Variants in DLG2 observed in about 807,000 individuals in gnomAD.
DLG2 encodes discs large MAGUK scaffold protein 2.
DLG2 carries 45 observed loss-of-function variants against 132.5 expected under a neutral mutation model. That is an observed-to-expected ratio of 0.34 (90% CI 0.27 to 0.44). The LOEUF is 0.44. Among genes scored for constraint, DLG2 ranks in the 20% least tolerant of loss-of-function variants. The probability of loss-of-function intolerance (pLI) is 1.00; values close to 1 mark genes in which losing one functional copy is unlikely to be tolerated. For missense variants in DLG2, 1,045 were observed against 1,196.9 expected (o/e 0.87, Z 1.87); for synonymous variants, 424 against 419.6 (o/e 1.01, Z -0.13).
At chr11:84,608,434 A>G (rs967055096) in intron 6 of DLG2, among the ~76,000 whole-genome samples, 5 of 152,206 alleles carry the variant, frequency 3.3e-5, no homozygotes, top group Non-Finnish European at 7.3e-5. Flanking sequence ...CTGCTGAAGC[A>G]GTGACTCATG....
At chr11:84,702,251 C>G (rs909193386) in intron 6 of DLG2, among the ~76,000 whole-genome samples, 1 of 151,568 alleles carries the variant, frequency 6.6e-6, no homozygotes, top group Non-Finnish European at 1.5e-5. Flanking sequence ...CCTTGTGGTT[C>G]TTGCTACATG....
rs550868500 is a variant in DLG2 at position 84,444,451 on chromosome 11, T to C, written c.519+90119A>G. On this transcript the variant is annotated intron_variant, in intron 7 of 27. Transcript: ENST00000376104. Reference sequence around the variant, plus strand: ...GGTGGAAGGTAGGAATCTATATTTTTCCCATATGTATGGCCAGTTTTATTT... The same window carrying C: ...GGTGGAAGGTAGGAATCTATATTTTCCCCATATGTATGGCCAGTTTTATTT... Among the ~76,000 whole-genome samples the C allele has an allele frequency of 3.3e-5, 5 of 152,332 alleles. No homozygotes were observed. In the East Asian group the frequency reaches 9.6e-4, roughly 29 times the overall value.
chr11:84,850,073 C>T (rs1013089092), intron 6 of DLG2, among the ~76,000 whole-genome samples: 1 of 152,032 alleles, frequency 6.6e-6, no homozygotes, highest in Admixed American at 6.6e-5. Flanking sequence ...TGGTAAAAAA[C>T]CATGTTATTT....
intron 17 of DLG2, among the ~76,000 whole-genome samples, chr11:83,831,235 T>C (rs1186165071): frequency 6.6e-6 from 1 of 152,224 alleles, no homozygotes; most frequent in Non-Finnish European, 1.5e-5. Context: ...AGCTGCCAGT[T>C]ATATCTTACA....
At chr11:85,428,442 G>C (rs1361877656) in intron 3 of DLG2, among the ~76,000 whole-genome samples, 1 of 152,164 alleles carries the variant, frequency 6.6e-6, no homozygotes, top group East Asian at 1.9e-4. Context: ...AGACCACAGT[G>C]CAATCAAACT....
intron 7 of DLG2, among the ~76,000 whole-genome samples, chr11:84,322,463 A>G (rs2098410006): frequency 6.6e-6 from 1 of 152,208 alleles, no homozygotes; most frequent in South Asian, 2.1e-4. Flanking sequence ...CTTTATAGCT[A>G]GATAGTACAA....
At chr11:83,549,239 C>A (rs2096321692) in intron 19 of DLG2, among the ~76,000 whole-genome samples, 2 of 152,082 alleles carry the variant, frequency 1.3e-5, no homozygotes, top group South Asian at 4.2e-4. Context: ...ACACATATGA[C>A]CCATTTTCAC....
rs1348936038 is a variant in DLG2, at chr11:83,532,690, C to G, written c.2193+18G>C. 1 of 1,608,558 alleles carries G rather than the reference C, an allele frequency of 6.2e-7. No homozygotes were observed. ...TGGCAACTGAGAGAACTTGATGTTT[C>G]CATCATTTTGTACCTACCCCTTTCG... On this transcript the variant is annotated intron_variant, in intron 21 of 27. Transcript: ENST00000376104.
intron 8 of DLG2, among the ~76,000 whole-genome samples, chr11:84,181,953 C>T (rs1410441731): frequency 1.3e-5 from 2 of 152,072 alleles, no homozygotes; most frequent in African/African-American, 4.8e-5. Flanking sequence ...GCCCCTCTAT[C>T]AAAAATGGAT....
At chr11:84,853,413 A>G (rs2082384994) in intron 6 of DLG2, among the ~76,000 whole-genome samples, 1 of 152,034 alleles carries the variant, frequency 6.6e-6, no homozygotes. Context: ...TCAGACTTGT[A>G]AGAGAGGCAT....
intron 19 of DLG2, chr11:83,632,508 A>G (rs1021146217): frequency 6.6e-6 from 1 of 152,208 alleles, no homozygotes; most frequent in African/African-American, 2.4e-5. Context: ...GAAGTTTGGA[A>G]GTAATACAGG....
chr11:84,511,862 A>C (rs1300199302), intron 7 of DLG2, among the ~76,000 whole-genome samples: 1 of 152,160 alleles, frequency 6.6e-6, no homozygotes, highest in African/African-American at 2.4e-5. Context: ...GGGCCTTAGA[A>C]TGTAGATTTA....
intron 2 of DLG2, among the ~76,000 whole-genome samples, chr11:85,601,721 C>T (rs1369658420): frequency 1.3e-5 from 2 of 152,158 alleles, no homozygotes; most frequent in African/African-American, 4.8e-5. Flanking sequence ...CATGAGCCGT[C>T]TCCAGCACAC....
At chr11:84,845,108 C>A (rs964609502) in intron 6 of DLG2, among the ~76,000 whole-genome samples, 4 of 152,094 alleles carry the variant, frequency 2.6e-5, no homozygotes, top group Non-Finnish European at 4.4e-5. Context: ...CTAGAATATT[C>A]TCAGTTAACC....
At chr11:85,581,855 AAAT>A (rs2078548756) in intron 3 of DLG2, among the ~76,000 whole-genome samples, 3 of 152,148 alleles carry the variant, frequency 2.0e-5, no homozygotes, top group African/African-American at 7.2e-5. Context: ...TGTCTCAATA[AAAT>A]AAGAAGAAAG....
At chr11:85,111,804 A>G in intron 5 of DLG2, 69 bp from the exon 6 acceptor site, 1 of 1,179,396 alleles carries the variant, frequency 8.5e-7, no homozygotes, top group East Asian at 2.6e-5. Flanking sequence ...GCTAGCTGAC[A>G]TGTTTATTAT....
intron 2 of DLG2, among the ~76,000 whole-genome samples, chr11:85,611,777 A>G (rs1210459411): frequency 6.6e-6 from 1 of 152,258 alleles, no homozygotes; most frequent in Non-Finnish European, 1.5e-5. Flanking sequence ...CCCCCATTAA[A>G]TACCACAAGG....
chr11:85,572,837 T>C (rs2077921437), intron 3 of DLG2, among the ~76,000 whole-genome samples: 1 of 152,230 alleles, frequency 6.6e-6, no homozygotes, highest in Non-Finnish European at 1.5e-5. Flanking sequence ...TGATTTCAAA[T>C]AACCTTTGAT....
intron 3 of DLG2, among the ~76,000 whole-genome samples, chr11:85,491,196 A>G (rs903630640): frequency 1.3e-5 from 2 of 152,158 alleles, no homozygotes; most frequent in Non-Finnish European, 2.9e-5. Flanking sequence ...ATAGATATAG[A>G]AAAGGCATTT....
Sources: allele counts gnomAD v4.1 joint callset (sites outside exome capture counted in the v4.1 genomes callset), GRCh38; gene constraint gnomAD v4.1.1; transcripts MANE v1.5; gene names NCBI Gene and HGNC (gene_info 2026-07-23, HGNC 2026-07-21).